The following DLGAP2 variants were observed in gnomAD, a reference collection of about 807,000 sequenced individuals.
DLGAP2 encodes DLG associated protein 2.
In DLGAP2, 26 loss-of-function variants were observed where a neutral mutation model predicts 100.3. The ratio of observed to expected loss-of-function variants is 0.26; its 90% CI spans 0.19 to 0.36. The LOEUF is 0.36. Among genes scored for constraint, DLGAP2 ranks in the 10% least tolerant of loss-of-function variants. The pLI, the probability that DLGAP2 is intolerant of heterozygous loss-of-function variation, is 1.00. For synonymous variants in DLGAP2, 886 were observed against 630.1 expected (o/e 1.41, Z -6.08); for missense variants, 1,858 against 1,453.2 (o/e 1.28, Z -4.53).
chr8:757,478 C>T lies in DLGAP2; in HGVS notation c.18+19653C>T, dbSNP rs528182510. 1.2e-4 allele frequency among the ~76,000 whole-genome samples: 18 copies of T among 152,254 alleles called. 1 individual carries two copies. The South Asian group carries it at 3.1e-3, about 26-fold the overall frequency. ...GTTGCTCTGAAAGTTGAATGACACC[C>T]GTAGGCACTGGGCTGATGGGATGTT... On this transcript the variant is annotated intron_variant, in intron 1 of 14. Coordinates refer to ENST00000637795, the MANE Select transcript of DLGAP2 (RefSeq NM_001346810.2).
chr8:1,444,870 T>G (rs1225120478), intron 3 of DLGAP2, among the ~76,000 whole-genome samples: 2 of 148,508 alleles, frequency 1.3e-5, no homozygotes, highest in Non-Finnish European at 3.0e-5. Flanking sequence ...ACCACCGTCT[T>G]CCAATTCAGG....
intron 6 of DLGAP2, among the ~76,000 whole-genome samples, chr8:1,597,509 G>C (rs1477055993): frequency 6.6e-6 from 1 of 152,106 alleles, no homozygotes; most frequent in East Asian, 1.9e-4. Flanking sequence ...ATCATGGAAT[G>C]TTTTTCCATT....
At chr8:793,642 G>A (rs866785174) in intron 1 of DLGAP2, among the ~76,000 whole-genome samples, 43 of 152,140 alleles carry the variant, frequency 2.8e-4, no homozygotes, top group African/African-American at 1.0e-3. Context: ...CACATCTCTG[G>A]ACATGTGAAT....
At chr8:1,537,247 G>A (rs73672801) in intron 4 of DLGAP2, among the ~76,000 whole-genome samples, 19,299 of 152,138 alleles carry the variant, frequency 0.13, 1,662 homozygotes, top group African/African-American at 0.25. Flanking sequence ...TTGCGTGTGC[G>A]TGCAAGTTTG....
chr8:1,096,291 C>T (rs576797631), intron 2 of DLGAP2, among the ~76,000 whole-genome samples: 2 of 152,348 alleles, frequency 1.3e-5, no homozygotes, highest in South Asian at 4.1e-4. Flanking sequence ...GCTCAGACCT[C>T]TCCCAAGGAA....
At chr8:1,098,554 A>G (rs1804466707) in intron 2 of DLGAP2, among the ~76,000 whole-genome samples, 1 of 151,648 alleles carries the variant, frequency 6.6e-6, no homozygotes, top group Non-Finnish European at 1.5e-5. Context: ...GGCTGGCCCC[A>G]CCCTGCGATG....
chr8:1,351,906 C>CTGTG (rs1236405018), intron 3 of DLGAP2, among the ~76,000 whole-genome samples: 803 of 48,856 alleles, frequency 0.016, 1 homozygote, highest in East Asian at 0.034. Flanking sequence ...CGGGTCCTGA[C>CTGTG]TGTGGAAAGG....
chr8:1,599,604 C>T (rs922268779), intron 6 of DLGAP2, among the ~76,000 whole-genome samples: 3 of 152,060 alleles, frequency 2.0e-5, no homozygotes, highest in Non-Finnish European at 2.9e-5. Context: ...CTTCTTGTTG[C>T]GTTGATCCCT....
intron 8 of DLGAP2, among the ~76,000 whole-genome samples, chr8:1,654,135 TACA>T (rs1798229582): frequency 6.6e-6 from 1 of 152,160 alleles, no homozygotes; most frequent in African/African-American, 2.4e-5. Flanking sequence ...TTCATTCTGA[TACA>T]ACTTCAGTAT....
At chr8:851,521 G>T (rs551054120) in intron 1 of DLGAP2, among the ~76,000 whole-genome samples, 2 of 152,256 alleles carry the variant, frequency 1.3e-5, no homozygotes, top group East Asian at 3.9e-4. Context: ...AAGACTATTT[G>T]ATCATTTCAG....
chr8:1,501,350 GT>G lies in DLGAP2; in HGVS notation c.107-13del. 1 of 1,535,900 alleles carries G rather than the reference GT, an allele frequency of 6.5e-7. No individual in the cohort carries two copies. The highest frequency in any genetic ancestry group is 8.7e-7 in the Non-Finnish European group (1 of 1,146,730). ...CAGAAACGCATTAAAGAGTGACTTT[GT>G]TTCTGTCTTTGCAGAGGAAGAAGCT... On this transcript the variant is annotated splice_polypyrimidine_tract_variant and intron_variant, in intron 3 of 14. Coordinates refer to ENST00000637795, the MANE Select transcript of DLGAP2 (RefSeq NM_001346810.2).
intron 2 of DLGAP2, among the ~76,000 whole-genome samples, chr8:1,217,370 A>G (rs376901084): frequency 6.6e-5 from 10 of 152,164 alleles, no homozygotes; most frequent in Admixed American, 2.0e-4. Context: ...GCTGGCCACT[A>G]TGTTGATTCC....
At chr8:1,082,551 T>C (rs527261715) in intron 2 of DLGAP2, among the ~76,000 whole-genome samples, 39 of 152,258 alleles carry the variant, frequency 2.6e-4, no homozygotes, top group Non-Finnish European at 5.1e-4. Flanking sequence ...AACACACATG[T>C]CAAAGAACCC....
chr8:1,548,729 G>C lies in DLGAP2; in HGVS notation c.276G>C (p.Pro92=), dbSNP rs755944387. The C allele has an allele frequency of 2.5e-6, 4 of 1,606,482 alleles. No individual in the cohort carries two copies. The highest frequency in any genetic ancestry group is 3.4e-6 in the Non-Finnish European group (4 of 1,177,902). ...TTTCCGGAAGTCGGACCCAGCCGCCGCTGTGTTCCGGGCACACGTGTGGTC... is the reference window on the plus strand; with the variant it reads ...TTTCCGGAAGTCGGACCCAGCCGCCCCTGTGTTCCGGGCACACGTGTGGTC... ...KGLSGSRTQP[P]LCSGHTCGLA... is the part of the protein sequence containing the mutation. The change falls in exon 5 of 15, where the codon CCG becomes CCC. Residue 92 remains proline, a synonymous_variant. Transcript: ENST00000637795.
chr8:946,298 C>T (rs1799318723), intron 2 of DLGAP2, among the ~76,000 whole-genome samples: 1 of 149,368 alleles, frequency 6.7e-6, no homozygotes, highest in Non-Finnish European at 1.5e-5. Context: ...CAGTCTCACT[C>T]TGTCATCCAG....
intron 12 of DLGAP2, among the ~76,000 whole-genome samples, chr8:1,684,281 G>A (rs1483693237): frequency 6.6e-6 from 1 of 151,938 alleles, no homozygotes; most frequent in African/African-American, 2.4e-5. Context: ...TTTGTGGACA[G>A]ATGTCAAAAC....
At chr8:1,611,167 A>G (rs966322149) in intron 6 of DLGAP2, among the ~76,000 whole-genome samples, 1 of 137,022 alleles carries the variant, frequency 7.3e-6, no homozygotes, top group African/African-American at 3.0e-5. Context: ...CGAATCCAGC[A>G]GCACATCAAA....
At chr8:945,017 G>A (rs1480183622) in intron 2 of DLGAP2, among the ~76,000 whole-genome samples, 1 of 152,176 alleles carries the variant, frequency 6.6e-6, no homozygotes, top group African/African-American at 2.4e-5. Flanking sequence ...CACAATCTAT[G>A]TGTTAGATGT....
chr8:1,546,899 T>G (rs567097865), intron 4 of DLGAP2, among the ~76,000 whole-genome samples: 1 of 152,126 alleles, frequency 6.6e-6, no homozygotes, highest in South Asian at 2.1e-4. Flanking sequence ...GAGGCAGGTA[T>G]TGGACAAACG....
Sources: gnomAD v4.1 joint callset for allele counts (sites outside exome capture counted in the v4.1 genomes callset) on GRCh38, gnomAD v4.1.1 for gene constraint, MANE v1.5 for transcripts, NCBI Gene and HGNC (gene_info 2026-07-23, HGNC 2026-07-21) for gene names.